DOK5: variants seen among roughly 807,000 people sequenced by gnomAD.
DOK5 encodes the protein downstream of tyrosine kinase 5.
A neutral mutation model predicts 43.3 loss-of-function variants in DOK5; 27 were observed. The ratio of observed to expected loss-of-function variants is 0.62; its 90% CI spans 0.46 to 0.86. The LOEUF (loss-of-function observed/expected upper bound fraction) is 0.86. Ranked by LOEUF, DOK5 falls within the 40% of genes least tolerant of loss-of-function variation. The pLI, the probability that DOK5 is intolerant of heterozygous loss-of-function variation, is 0.00. For synonymous variants in DOK5, 146 were observed against 140.1 expected (o/e 1.04, Z -0.30); for missense variants, 373 against 392.9 (o/e 0.95, Z 0.43).
chr20:54,595,295 C>A (rs6014077), intron 5 of DOK5, among the ~76,000 whole-genome samples: 3,908 of 151,892 alleles, frequency 0.026, 151 homozygotes, highest in African/African-American at 0.087. Flanking sequence ...AGCTGAGATC[C>A]TGCCACTGCA....
intron 6 of DOK5, among the ~76,000 whole-genome samples, chr20:54,614,082 A>G (rs2146797301): frequency 6.6e-6 from 1 of 151,484 alleles, no homozygotes; most frequent in South Asian, 2.1e-4. Flanking sequence ...GTATACATAA[A>G]ACAACAACAA....
At chr20:54,504,107 G>A (rs978939530) in intron 1 of DOK5, among the ~76,000 whole-genome samples, 1 of 152,058 alleles carries the variant, frequency 6.6e-6, no homozygotes, top group Non-Finnish European at 1.5e-5. Flanking sequence ...CTTCCAGCGG[G>A]GAAGCTCACC....
chr20:54,482,461 G>A (rs1288851008), intron 1 of DOK5, among the ~76,000 whole-genome samples: 1 of 152,156 alleles, frequency 6.6e-6, no homozygotes, highest in Admixed American at 6.5e-5. Flanking sequence ...CATAATCGTA[G>A]TATGAAAATT....
At chr20:54,530,682 TG>T (rs973257626) in intron 1 of DOK5, among the ~76,000 whole-genome samples, 5 of 152,196 alleles carry the variant, frequency 3.3e-5, no homozygotes, top group Non-Finnish European at 7.3e-5. Context: ...ATCGGGTAGT[TG>T]GGGTATTCAC....
intron 1 of DOK5, among the ~76,000 whole-genome samples, chr20:54,514,504 G>A (rs1337905232): frequency 6.6e-6 from 1 of 151,470 alleles, no homozygotes; most frequent in Admixed American, 6.6e-5. Flanking sequence ...TCCTCTTGCT[G>A]AGGAACTTCA....
At chr20:54,639,587 T>C (rs980589292) in intron 6 of DOK5, among the ~76,000 whole-genome samples, 1 of 151,464 alleles carries the variant, frequency 6.6e-6, no homozygotes, top group Non-Finnish European at 1.5e-5. Context: ...GTAATTTTTA[T>C]TTTTACTTGT....
intron 1 of DOK5, among the ~76,000 whole-genome samples, chr20:54,490,679 G>A (rs1054109730): frequency 1.3e-5 from 2 of 152,142 alleles, no homozygotes; most frequent in African/African-American, 4.8e-5. Flanking sequence ...TCCGCCTCCC[G>A]TGTTCAAGCA....
At chr20:54,643,843 C>G (rs1979245530) in intron 7 of DOK5, among the ~76,000 whole-genome samples, 1 of 152,188 alleles carries the variant, frequency 6.6e-6, no homozygotes, top group Non-Finnish European at 1.5e-5. Context: ...CCCAGAGACT[C>G]TAGATCTTAA....
Position 54,643,455 on chromosome 20 carries a change from C to A in DOK5, c.736-3C>A, listed in dbSNP as rs1337741255. On this transcript the variant is annotated splice_region_variant and splice_polypyrimidine_tract_variant and intron_variant, in intron 6 of 7. Transcript: ENST00000262593. ...CGCACAACTTTCTTCCCTTTGGCTG[C>A]AGCTCCAGATGAAGATGAGTGAGCG... The A allele has an allele frequency of 6.2e-7, 1 of 1,613,236 alleles. No individual in the cohort carries two copies.
chr20:54,506,967 T>G (rs2146683379), intron 1 of DOK5, among the ~76,000 whole-genome samples: 1 of 152,332 alleles, frequency 6.6e-6, no homozygotes, highest in East Asian at 1.9e-4. Flanking sequence ...ACAGTTTATT[T>G]AATCTATCTA....
In DOK5 at chr20:54,588,750, A is replaced by G. The variant is rs200020780; in HGVS notation, c.353A>G (p.Asp118Gly). 5.1e-4 allele frequency: 819 copies of G among 1,614,112 alleles called. 11 individuals are homozygous for G. The South Asian group carries it at 5.8e-3, about 12-fold the overall frequency. Residue 118 changes from aspartate to glycine, a missense_variant, in exon 4 of 8, where the codon GAC becomes GGC. Asp to Gly is a moderately conservative substitution (Grantham distance 94). Transcript: ENST00000262593. ...GAGTGTGTAGGAACACGGATCAATG[A>G]CATCAGCCTTGGAGAGCCTGACTTA... ...QMECVGTRIN[D>G]ISLGEPDLLA...
chr20:54,502,864 A>G (rs1982664332), intron 1 of DOK5, among the ~76,000 whole-genome samples: 1 of 152,182 alleles, frequency 6.6e-6, no homozygotes, highest in South Asian at 2.1e-4. Context: ...TATTATAAAT[A>G]GTACTACAAT....
intron 1 of DOK5, among the ~76,000 whole-genome samples, chr20:54,497,214 G>T (rs1982436940): frequency 6.6e-6 from 1 of 152,160 alleles, no homozygotes; most frequent in South Asian, 2.1e-4. Context: ...ATGGCTGGTT[G>T]TTCACCTGGA....
intron 6 of DOK5, among the ~76,000 whole-genome samples, chr20:54,631,926 T>C (rs775127634): frequency 2.0e-5 from 3 of 152,092 alleles, no homozygotes; most frequent in Non-Finnish European, 2.9e-5. Flanking sequence ...GAGCCAAGAT[T>C]GCACCATTGC....
At chr20:54,579,004 T>C (rs1432554051) in intron 2 of DOK5, among the ~76,000 whole-genome samples, 1 of 152,214 alleles carries the variant, frequency 6.6e-6, no homozygotes, top group Non-Finnish European at 1.5e-5. Flanking sequence ...TTATTGTTTG[T>C]ATGCTGTACT....
intron 2 of DOK5, among the ~76,000 whole-genome samples, chr20:54,566,945 G>T (rs1217718578): frequency 2.0e-5 from 3 of 152,038 alleles, no homozygotes; most frequent in African/African-American, 7.2e-5. Context: ...TGCATTCCCT[G>T]GTGGCTAATG....
intron 1 of DOK5, among the ~76,000 whole-genome samples, chr20:54,512,696 A>G (rs1382756679): frequency 1.3e-5 from 2 of 152,224 alleles, no homozygotes; most frequent in Admixed American, 6.5e-5. Context: ...AAAAAAAGAA[A>G]TTTGCTATGA....
At chr20:54,609,183 A>G (rs560758386) in intron 5 of DOK5, among the ~76,000 whole-genome samples, 39 of 152,322 alleles carry the variant, frequency 2.6e-4, no homozygotes, top group South Asian at 1.9e-3. Context: ...AAAAAAAATA[A>G]CAGTGGTTTA....
At chr20:54,496,455 C>G (rs2146673744) in intron 1 of DOK5, among the ~76,000 whole-genome samples, 1 of 152,200 alleles carries the variant, frequency 6.6e-6, no homozygotes, top group Middle Eastern at 3.4e-3. Context: ...AACATCAGTT[C>G]AAGTTTTGAA....
Sources: allele counts gnomAD v4.1 joint callset (sites outside exome capture counted in the v4.1 genomes callset), GRCh38; gene constraint gnomAD v4.1.1; transcripts MANE v1.5; gene names NCBI Gene and HGNC (gene_info 2026-07-23, HGNC 2026-07-21).